MDGA2: variants seen among roughly 807,000 people sequenced by gnomAD.
MDGA2 encodes the protein MAM domain-containing glycosylphosphatidylinositol anchor protein 2.
In MDGA2, 40 loss-of-function variants were observed where a neutral mutation model predicts 117.8. The ratio of observed to expected loss-of-function variants is 0.34; its 90% CI spans 0.26 to 0.44. The LOEUF (loss-of-function observed/expected upper bound fraction) is 0.44. MDGA2 is among the 20% of genes least tolerant of loss of function. The pLI, the probability that MDGA2 is intolerant of heterozygous loss-of-function variation, is 1.00. For missense variants in MDGA2, 1,123 were observed against 1,250.6 expected (o/e 0.90, Z 1.54); for synonymous variants, 452 against 439.0 (o/e 1.03, Z -0.37).
chr14:47,073,265 T>C (rs771909673), intron 6 of MDGA2, among the ~76,000 whole-genome samples: 1 of 152,182 alleles, frequency 6.6e-6, no homozygotes, highest in Non-Finnish European at 1.5e-5. Flanking sequence ...GTGGCAATGG[T>C]TTCTGGGAGA....
At position 47,225,338 on chromosome 14, in the gene MDGA2, G is replaced by T. The variant is rs903594583; in HGVS notation, c.421-7143C>A. Among the ~76,000 whole-genome samples, 25 of 151,782 alleles carry T rather than the reference G, an allele frequency of 1.6e-4. 1 individual carries two copies. In the Middle Eastern group the frequency reaches 0.01, roughly 62 times the overall value. On this transcript the variant is annotated intron_variant, in intron 2 of 16. Coordinates refer to ENST00000399232, the MANE Select transcript of MDGA2 (RefSeq NM_001113498.3). ...ATATACCCAAAGGACTATAAATCAT[G>T]CTGCTATAAAGACACATGCACACGT...
intron 1 of MDGA2, among the ~76,000 whole-genome samples, chr14:47,303,424 C>T (rs914442479): frequency 1.3e-5 from 2 of 152,118 alleles, no homozygotes; most frequent in Admixed American, 6.6e-5. Context: ...TCTGTCTAGA[C>T]ATTGTAATAA....
intron 6 of MDGA2, among the ~76,000 whole-genome samples, chr14:47,094,761 T>G (rs1879864653): frequency 6.6e-6 from 1 of 150,570 alleles, no homozygotes; most frequent in Non-Finnish European, 1.5e-5. Flanking sequence ...GTAGATTATT[T>G]TATGCCTACT....
At chr14:47,274,094 A>G (rs527325475) in intron 2 of MDGA2, among the ~76,000 whole-genome samples, 43 of 152,196 alleles carry the variant, frequency 2.8e-4, no homozygotes, top group African/African-American at 9.9e-4. Context: ...CAACCTACCC[A>G]TTTAGAGTTT....
chr14:46,877,570 CTT>C, intron 11 of MDGA2, 61 bp from the exon 12 acceptor site: 2 of 1,226,014 alleles, frequency 1.6e-6, no homozygotes, highest in Non-Finnish European at 2.3e-6. Context: ...GCTTGAATGT[CTT>C]TTATAAATAA....
chr14:47,606,208 A>G (rs981178586), intron 1 of MDGA2, among the ~76,000 whole-genome samples: 1 of 152,174 alleles, frequency 6.6e-6, no homozygotes, highest in Non-Finnish European at 1.5e-5. Flanking sequence ...TATCTAGAAC[A>G]TATGTGTTTG....
intron 1 of MDGA2, among the ~76,000 whole-genome samples, chr14:47,470,988 G>T (rs1266399459): frequency 6.6e-6 from 1 of 152,126 alleles, no homozygotes; most frequent in East Asian, 1.9e-4. Flanking sequence ...TTATCTGAAG[G>T]TTGGTGGCAA....
chr14:47,210,328 C>A (rs1885836742), intron 3 of MDGA2, among the ~76,000 whole-genome samples: 2 of 152,138 alleles, frequency 1.3e-5, no homozygotes, highest in Non-Finnish European at 2.9e-5. Flanking sequence ...TGAACAGTGT[C>A]TGTACACATA....
intron 3 of MDGA2, among the ~76,000 whole-genome samples, chr14:47,158,085 C>T (rs187793283): frequency 3.3e-5 from 5 of 151,996 alleles, no homozygotes; most frequent in Non-Finnish European, 5.9e-5. Flanking sequence ...CACAACAGAC[C>T]GCATATAAAA....
intron 1 of MDGA2, among the ~76,000 whole-genome samples, chr14:47,627,209 A>G (rs1361387675): frequency 6.6e-6 from 1 of 152,068 alleles, no homozygotes; most frequent in African/African-American, 2.4e-5. Context: ...TGCCTAGCTC[A>G]GGGTTTGTGA....
intron 4 of MDGA2, among the ~76,000 whole-genome samples, chr14:47,136,982 C>G (rs1024914828): frequency 9.2e-5 from 14 of 152,162 alleles, no homozygotes; most frequent in African/African-American, 3.4e-4. Context: ...GAAATATATA[C>G]AATAATCAAG....
In MDGA2 at chr14:47,361,203, C is replaced by CTA. The variant is rs1301586706; in HGVS notation, c.281-59654_281-59653insTA. On this transcript the variant is annotated intron_variant, in intron 1 of 16. Coordinates refer to ENST00000399232, the MANE Select transcript of MDGA2 (RefSeq NM_001113498.3). ...CATGTTGTACTCTCTCTCTCTCTCTCTCTCTATATATATATATATATATAT... is the reference window on the plus strand; with the variant it reads ...CATGTTGTACTCTCTCTCTCTCTCTCTATCTCTATATATATATATATATATAT... Among the ~76,000 whole-genome samples, 9 of 130,140 alleles carry CTA rather than the reference C, an allele frequency of 6.9e-5. No individual in the cohort carries two copies. In the East Asian group the frequency reaches 1.5e-3, roughly 22 times the overall value. The allele number at this position is 130,140 out of a possible 152,430, so 85.4% of individuals were successfully genotyped here. A position where few individuals can be genotyped will look rare whatever the true frequency, so the allele number is the denominator to read the frequency against.
chr14:47,384,816 AG>A (rs1432363310), intron 1 of MDGA2, among the ~76,000 whole-genome samples: 1 of 152,180 alleles, frequency 6.6e-6, no homozygotes, highest in African/African-American at 2.4e-5. Context: ...TAAGCCCAGT[AG>A]GGTGGCCCAG....
chr14:47,007,562 C>T (rs1299307198), intron 8 of MDGA2, among the ~76,000 whole-genome samples: 1 of 151,582 alleles, frequency 6.6e-6, no homozygotes, highest in Non-Finnish European at 1.5e-5. Flanking sequence ...ATGAAGACAC[C>T]GTGAACATGA....
chr14:47,314,877 CGA>C (rs1473509611), intron 1 of MDGA2, among the ~76,000 whole-genome samples: 3 of 151,916 alleles, frequency 2.0e-5, no homozygotes, highest in Non-Finnish European at 4.4e-5. Context: ...ATTGACATGA[CGA>C]GAAATCCATA....
intron 1 of MDGA2, among the ~76,000 whole-genome samples, chr14:47,394,668 A>G (rs1891968258): frequency 1.3e-5 from 2 of 152,162 alleles, no homozygotes; most frequent in South Asian, 4.1e-4. Context: ...AAATTGTAAC[A>G]TTTTAATTTG....
At chr14:46,918,306 A>C (rs1198346879) in intron 10 of MDGA2, among the ~76,000 whole-genome samples, 1 of 152,314 alleles carries the variant, frequency 6.6e-6, no homozygotes. Flanking sequence ...TGAATGATTA[A>C]ACAATGTAGT....
At chr14:47,589,483 A>G (rs1054785367) in intron 1 of MDGA2, among the ~76,000 whole-genome samples, 5 of 151,998 alleles carry the variant, frequency 3.3e-5, no homozygotes, top group African/African-American at 1.2e-4. Context: ...TGAAAAATCA[A>G]CTTACCAAAA....
At chr14:47,258,539 C>T (rs572399628) in intron 2 of MDGA2, among the ~76,000 whole-genome samples, 9 of 151,996 alleles carry the variant, frequency 5.9e-5, no homozygotes, top group Non-Finnish European at 1.2e-4. Context: ...GGATTATATT[C>T]GACAGGAGAT....
Sources: gnomAD v4.1 joint callset for allele counts (sites outside exome capture counted in the v4.1 genomes callset) on GRCh38, gnomAD v4.1.1 for gene constraint, MANE v1.5 for transcripts, NCBI Gene and HGNC (gene_info 2026-07-23, HGNC 2026-07-21) for gene names.